Variants in PLAAT3 observed in about 807,000 individuals in gnomAD.
The protein encoded by PLAAT3 is Ca-independent phospholipase A1/2.
Under a neutral mutation model 16.7 loss-of-function variants are expected in PLAAT3, and 21 were observed. The ratio of observed to expected loss-of-function variants is 1.26; its 90% CI spans 0.89 to 1.81. The LOEUF is 1.81. Ranked by LOEUF, PLAAT3 falls within the 40% of genes most tolerant of loss-of-function variation. The probability of loss-of-function intolerance (pLI) is 0.00; values close to 1 mark genes in which losing one functional copy is unlikely to be tolerated. For synonymous variants in PLAAT3, 76 were observed against 81.7 expected, an observed-to-expected ratio of 0.93 and a Z score of 0.38; for missense variants, 219 against 213.7, an observed-to-expected ratio of 1.02 and a Z score of -0.16.
chr11:63,585,009 A>G (rs1306872039), intron 4 of PLAAT3, among the ~76,000 whole-genome samples: 3 of 151,726 alleles, frequency 2.0e-5, no homozygotes, highest in African/African-American at 7.3e-5. Flanking sequence ...CTCTAGCAAG[A>G]TGGGGCATGC....
At chr11:63,595,913 C>T (rs2134415252) in intron 3 of PLAAT3, among the ~76,000 whole-genome samples, 1 of 152,258 alleles carries the variant, frequency 6.6e-6, no homozygotes, top group Non-Finnish European at 1.5e-5. Context: ...TGCCCAAACA[C>T]CTGCACTCTT....
rs555766296 is a variant in PLAAT3 at position 63,595,063 on chromosome 11, G to A, written c.118+2998C>T. Among the ~76,000 whole-genome samples the A allele has an allele frequency of 3.9e-5, 6 of 152,268 alleles. No individual in the cohort carries two copies. In the South Asian group the frequency reaches 1.2e-3, roughly 32 times the overall value. On this transcript the variant is annotated intron_variant, in intron 3 of 4. Coordinates refer to ENST00000415826, the MANE Select transcript of PLAAT3 (RefSeq NM_001128203.2). ...CTCAGCACTTTGGGAGGCCGAGGCAGGCAGATCACTTGAGGTCAGGGGTTT... is the reference window on the plus strand; with the variant it reads ...CTCAGCACTTTGGGAGGCCGAGGCAAGCAGATCACTTGAGGTCAGGGGTTT...
chr11:63,587,163 C>A (rs145900204), intron 4 of PLAAT3, among the ~76,000 whole-genome samples: 13 of 152,230 alleles, frequency 8.5e-5, no homozygotes, highest in Non-Finnish European at 1.5e-4. Flanking sequence ...GATCCAATAG[C>A]CTAATAATAG....
chr11:63,595,939 C>T (rs1375551626), intron 3 of PLAAT3, among the ~76,000 whole-genome samples: 1 of 152,090 alleles, frequency 6.6e-6, no homozygotes, highest in African/African-American at 2.4e-5. Context: ...GAGCTTTACG[C>T]TTAAGAGTTG....
intron 2 of PLAAT3, among the ~76,000 whole-genome samples, chr11:63,599,503 G>A (rs1938371204): frequency 6.6e-6 from 1 of 152,124 alleles, no homozygotes; most frequent in East Asian, 1.9e-4. Flanking sequence ...TATGAAGGCG[G>A]GTCAAAGGCC....
chr11:63,586,927 T>C (rs1020016447), intron 4 of PLAAT3, among the ~76,000 whole-genome samples: 1 of 151,958 alleles, frequency 6.6e-6, no homozygotes, highest in Non-Finnish European at 1.5e-5. Context: ...CTAATAAAAA[T>C]ACAAAAATTA....
chr11:63,590,253 G>C lies in PLAAT3; in HGVS notation c.234C>G (p.Asn78Lys). 1 of 1,614,218 alleles carries C rather than the reference G, an allele frequency of 6.2e-7. No homozygotes were observed. The highest frequency in any genetic ancestry group is 8.5e-7 in the Non-Finnish European group (1 of 1,180,012). Reference sequence around the variant, plus strand: ...GCGGCGAGTACTTGTCATCATGTTTGTTGTTGACCTGGTACTTGTCACTCC... The same window carrying C: ...GCGGCGAGTACTTGTCATCATGTTTCTTGTTGACCTGGTACTTGTCACTCC... ...VAGSDKYQVN[N>K]KHDDKYSPLP... Residue 78 changes from asparagine to lysine, a missense_variant, in exon 4 of 5, where the codon AAC becomes AAG. Transcript: ENST00000415826.
At chr11:63,590,668 TATGAGC>T (rs1163630171) in intron 3 of PLAAT3, among the ~76,000 whole-genome samples, 1 of 152,140 alleles carries the variant, frequency 6.6e-6, no homozygotes, top group Non-Finnish European at 1.5e-5. Context: ...GTTATGCAAA[TATGAGC>T]CAAGAGCATA....
At chr11:63,614,140 C>G in intron 1 of PLAAT3, 72 bp from the exon 2 acceptor site, 3 of 1,338,034 alleles carry the variant, frequency 2.2e-6, no homozygotes, top group Non-Finnish European at 3.2e-6. Flanking sequence ...GGGACTGCGG[C>G]TTCTGTTGGG....
chr11:63,583,565 T>C (rs766833559), intron 4 of PLAAT3, among the ~76,000 whole-genome samples: 1 of 152,218 alleles, frequency 6.6e-6, no homozygotes, highest in Non-Finnish European at 1.5e-5. Flanking sequence ...TTAGTCCTAA[T>C]AGTGCAAACT....
At chr11:63,601,275 C>T (rs974345046) in intron 2 of PLAAT3, among the ~76,000 whole-genome samples, 4 of 150,976 alleles carry the variant, frequency 2.6e-5, no homozygotes, top group Non-Finnish European at 4.4e-5. Flanking sequence ...ATGATGGTCG[C>T]GATCTCCTGA....
chr11:63,615,278 G>GTGTA (rs1301957183), upstream of PLAAT3, among the ~76,000 whole-genome samples: 1 of 50,008 alleles, frequency 2.0e-5, no homozygotes, highest in African/African-American at 5.2e-5. Flanking sequence ...GTATATATGT[G>GTGTA]TATATATGTG....
In PLAAT3 at chr11:63,574,807, G is replaced by A. The variant is rs78667939; in HGVS notation, c.*138C>T. The A allele has an allele frequency of 8.9e-3, 5,570 of 624,378 alleles. 222 individuals carry two copies. The highest frequency in any genetic ancestry group is 0.089 in the African/African-American group (4,854 of 54,516). The allele number at this position is 624,378 out of a possible 1,614,324, so 38.7% of individuals were successfully genotyped here. ...ACTTCCCCCAATAAAATCCTCCCTC[G>A]TTTTGCTTTATTTTATTCTGTGAAA... On this transcript the variant is annotated 3_prime_UTR_variant, in exon 5 of 5. Coordinates refer to ENST00000415826, the MANE Select transcript of PLAAT3 (RefSeq NM_001128203.2).
intron 4 of PLAAT3, among the ~76,000 whole-genome samples, chr11:63,581,277 TC>T (rs1463279593): frequency 3.9e-5 from 6 of 152,218 alleles, no homozygotes; most frequent in African/African-American, 1.4e-4. Context: ...GCCATATTTT[TC>T]TTCTTGCAGA....
At chr11:63,594,124 C>T (rs1470376692) in intron 3 of PLAAT3, among the ~76,000 whole-genome samples, 1 of 152,198 alleles carries the variant, frequency 6.6e-6, no homozygotes, top group East Asian at 1.9e-4. Context: ...GAGAATGACT[C>T]CTAGGCTTTA....
chr11:63,579,117 A>T (rs1358499232), intron 4 of PLAAT3, among the ~76,000 whole-genome samples: 2 of 152,366 alleles, frequency 1.3e-5, no homozygotes, highest in East Asian at 3.9e-4. Flanking sequence ...AAGACACATG[A>T]AAAAATGCTC....
At chr11:63,594,634 A>C (rs543836553) in intron 3 of PLAAT3, among the ~76,000 whole-genome samples, 1 of 152,230 alleles carries the variant, frequency 6.6e-6, no homozygotes, top group Non-Finnish European at 1.5e-5. Flanking sequence ...AAAAAGAAAA[A>C]AGAAAGTGTG....
intron 3 of PLAAT3, among the ~76,000 whole-genome samples, chr11:63,596,403 A>G (rs190962073): frequency 7.9e-5 from 12 of 151,802 alleles, no homozygotes; most frequent in Admixed American, 2.0e-4. Context: ...GTGGAAGACA[A>G]TTTTTCCATG....
chr11:63,609,271 G>GA (rs1938637023), intron 2 of PLAAT3, among the ~76,000 whole-genome samples: 1 of 152,212 alleles, frequency 6.6e-6, no homozygotes, highest in African/African-American at 2.4e-5. Context: ...TGGGTACTGA[G>GA]AAAAGACTTC....
Sources: gnomAD v4.1 joint callset for allele counts (sites outside exome capture counted in the v4.1 genomes callset) on GRCh38, gnomAD v4.1.1 for gene constraint, MANE v1.5 for transcripts, NCBI Gene and HGNC (gene_info 2026-07-23, HGNC 2026-07-21) for gene names.